The following TRPM6 variants were observed in gnomAD, a reference collection of about 807,000 sequenced individuals.
TRPM6 encodes transient receptor potential cation channel subfamily M member 6, also known as channel kinase 2.
Under a neutral mutation model 247.6 loss-of-function variants are expected in TRPM6, and 111 were observed. The ratio of observed to expected loss-of-function variants is 0.45; its 90% CI spans 0.38 to 0.52. The LOEUF (loss-of-function observed/expected upper bound fraction) is 0.52. TRPM6 is among the 20% of genes least tolerant of loss of function. TRPM6 has a pLI of 0.00. For synonymous variants in TRPM6, 892 were observed against 853.8 expected (o/e 1.04, Z -0.78); for missense variants, 2,126 against 2,421.5 (o/e 0.88, Z 2.56).
At chr9:74,804,649 C>A in intron 14 of TRPM6, 1 of 749,142 alleles carries the variant, frequency 1.3e-6, no homozygotes. Flanking sequence ...ATGAAGGTGT[C>A]CTCTGTGACT....
chr9:74,757,781 T>G (rs1360090371), intron 27 of TRPM6, among the ~76,000 whole-genome samples: 2 of 151,656 alleles, frequency 1.3e-5, no homozygotes, highest in East Asian at 3.9e-4. Flanking sequence ...GGCATGGTGG[T>G]GGGCACCTGT....
chr9:74,807,602 T>C (rs746824382), intron 14 of TRPM6, among the ~76,000 whole-genome samples: 3 of 152,192 alleles, frequency 2.0e-5, no homozygotes, highest in Non-Finnish European at 4.4e-5. Context: ...AATCACTACA[T>C]GCTTATACCA....
chr9:74,885,999 G>A (rs1831517581), intron 1 of TRPM6, among the ~76,000 whole-genome samples: 1 of 152,232 alleles, frequency 6.6e-6, no homozygotes, highest in South Asian at 2.1e-4. Flanking sequence ...ATGCTTGATA[G>A]TTTTGGCATA....
Position 74,810,862 on chromosome 9 carries a change from C to T in TRPM6, c.1450G>A (p.Gly484Arg), listed in dbSNP as rs77826848. Residue 484 changes from glycine to arginine, a missense_variant, in exon 13 of 39, where the codon GGA (glycine) becomes AGA (arginine). Physicochemically the swap from Gly to Arg is moderately radical, Grantham distance 125 (BLOSUM62 -2). This residue lies in a region of TRPM6 where 1,082 missense variants were observed against 1,307.9 expected (regional missense o/e 0.83). Transcript: ENST00000360774. ...RLEELYNTKQGPTNTLLHHLV... is the reference protein window; with the variant it reads ...RLEELYNTKQRPTNTLLHHLV... ...TGATGCAAGAGTGTATTAGTAGGTC[C>T]TTGTTTCTGAAATAAAGAACAAAAG... 6.2e-4 allele frequency: 996 copies of T among 1,613,442 alleles called. 9 individuals are homozygous for T. The African/African-American group carries it at 0.012, about 20-fold the overall frequency.
chr9:74,812,423 A>G lies in TRPM6; in HGVS notation c.1319T>C (p.Leu440Pro), dbSNP rs1159792279. ...IYEQHWKPDA[L>P]EQAMSDALVM... ...TAAAGCATCTGACATTGCTTGTTCC[A>G]GGGCATCAGGCTTCAGAAAGCACAA... The change falls in exon 12 of 39, where the codon CTG (leucine) becomes CCG (proline). Residue 440 changes from leucine to proline, a missense_variant. Physicochemically the swap from Leu to Pro is moderately conservative, Grantham distance 98. Transcript: ENST00000360774. 1 of 1,614,066 alleles carries G rather than the reference A, an allele frequency of 6.2e-7. No individual in the cohort carries two copies. Among genetic ancestry groups the G allele is most frequent in the Non-Finnish European group, 8.5e-7 (1 of 1,179,972 alleles).
rs377191801 is a variant in TRPM6 at position 74,853,785 on chromosome 9, G to C, written c.152+1742C>G. On this transcript the variant is annotated intron_variant, in intron 3 of 38. Coordinates refer to ENST00000360774, the MANE Select transcript of TRPM6 (RefSeq NM_017662.5). ...CCTTGTTCACATGTTTATCTGCTGA[G>C]CTTCCCTCCACTATTGTCCTATGAC... is the stretch of plus-strand genomic sequence containing the variant. 1.8e-4 allele frequency among the ~76,000 whole-genome samples: 28 copies of C among 151,960 alleles called. No individual in the cohort carries two copies. The East Asian group carries it at 5.2e-3, about 28-fold the overall frequency.
At chr9:74,730,332 G>A (rs1215963796) in intron 37 of TRPM6, among the ~76,000 whole-genome samples, 1 of 152,196 alleles carries the variant, frequency 6.6e-6, no homozygotes, top group Non-Finnish European at 1.5e-5. Context: ...AAGGCAGAAG[G>A]TTAGGGAAAG....
At chr9:74,862,475 T>C (rs1365344472) in intron 1 of TRPM6, among the ~76,000 whole-genome samples, 1 of 152,176 alleles carries the variant, frequency 6.6e-6, no homozygotes, top group Non-Finnish European at 1.5e-5. Flanking sequence ...GGTGTGTTGG[T>C]CTCAATTTGT....
At chr9:74,887,095 C>A in intron 1 of TRPM6, 1 of 475,454 alleles carries the variant, frequency 2.1e-6, no homozygotes, top group South Asian at 9.0e-5. Context: ...GAGCACCCTC[C>A]CTCTCCAAGC....
chr9:74,728,166 T>C (rs1825396123), intron 38 of TRPM6, 73 bp downstream of exon 38: 8 of 1,169,530 alleles, frequency 6.8e-6, no homozygotes, highest in Non-Finnish European at 1.0e-5. Flanking sequence ...GATTTTCTAC[T>C]TTATCCCAGG....
intron 1 of TRPM6, among the ~76,000 whole-genome samples, chr9:74,886,383 T>C (rs906009115): frequency 6.6e-6 from 1 of 152,228 alleles, no homozygotes; most frequent in Non-Finnish European, 1.5e-5. Context: ...AAAATCTGTA[T>C]ACAGGGGGAA....
Position 74,739,919 on chromosome 9 carries a change from G to A in TRPM6, c.5291C>T (p.Ala1764Val), listed in dbSNP as rs770641518. The change falls in exon 34 of 39, where the codon GCG becomes GTG. Residue 1764 changes from alanine (A) to valine (V), a missense_variant. Ala to Val is a moderately conservative substitution (Grantham distance 64, BLOSUM62 0). Transcript: ENST00000360774. ...SMSSWSQRGR[A>V]AMIQVLSREE... is the part of the protein sequence containing the mutation. ...TCGGGACAATACCTGGATCATTGCC[G>A]CTCTCCCACGCTGAGACCAAGAGGA... The A allele has an allele frequency of 8.7e-6, 14 of 1,614,048 alleles. No individual in the cohort carries two copies. Among genetic ancestry groups the A allele is most frequent in the South Asian group, 5.5e-5 (5 of 91,070 alleles).
intron 28 of TRPM6, among the ~76,000 whole-genome samples, chr9:74,752,891 T>C (rs1309694962): frequency 6.6e-6 from 1 of 152,044 alleles, no homozygotes; most frequent in East Asian, 1.9e-4. Context: ...GGCGGGTGGA[T>C]CACCCGAGGT....
Position 74,747,906 on chromosome 9 carries a change from C to T in TRPM6, c.5066G>A (p.Ser1689Asn), listed in dbSNP as rs1250467978. Residue 1689 changes from serine to asparagine, a missense_variant, in exon 31 of 39, where the codon AGT becomes AAT. Ser to Asn is a conservative substitution (Grantham distance 46). Around this residue, in one of 3 missense-constraint regions of TRPM6, gnomAD observed 717 missense variants for 715.9 expected, o/e 1.00. Coordinates refer to ENST00000360774, the MANE Select transcript of TRPM6 (RefSeq NM_017662.5). ...AAACTTACTGTCAACTCCAATTGAA[C>T]TTTTCAGCCTGTTTGAAAAAAAAAT... ...TNLNRNSLLKSSIGVDKISAS... is the reference protein window; with the variant it reads ...TNLNRNSLLKNSIGVDKISAS... The T allele has an allele frequency of 1.2e-6, 2 of 1,610,406 alleles. No homozygotes were observed. The highest frequency in any genetic ancestry group is 1.7e-5 in the Admixed American group (1 of 59,930).
intron 19 of TRPM6, among the ~76,000 whole-genome samples, chr9:74,790,468 C>T (rs1038099207): frequency 2.0e-5 from 3 of 152,082 alleles, no homozygotes; most frequent in Admixed American, 6.5e-5. Flanking sequence ...CAGACCTTAG[C>T]CCATTTGTCT....
At chr9:74,802,833 A>G (rs1828392670) in intron 15 of TRPM6, among the ~76,000 whole-genome samples, 3 of 152,184 alleles carry the variant, frequency 2.0e-5, no homozygotes, top group Non-Finnish European at 4.4e-5. Context: ...CCCATTCATC[A>G]TGCCATTCTA....
In TRPM6 at chr9:74,801,971, G is replaced by A. The variant is rs1233852009; in HGVS notation, c.1936C>T (p.Arg646Trp). The change falls in exon 16 of 39, where the codon CGG becomes TGG. Residue 646 changes from arginine to tryptophan, a missense_variant. By Grantham distance (101) the Arg-to-Trp change is moderately radical. Around this residue, in one of 3 missense-constraint regions of TRPM6, gnomAD observed 1,082 missense variants for 1,307.9 expected, o/e 0.83. Transcript: ENST00000360774. ...VKAVIACILY[R>W]AMAHEAKESH... ...TCCTTAGCTTCATGGGCCATTGCCC[G>A]GTAGAGGATACACGCAATCACGGCT... The A allele has an allele frequency of 5.6e-6, 9 of 1,614,190 alleles. No homozygotes were observed. The highest frequency in any genetic ancestry group is 2.2e-5 in the East Asian group (1 of 44,882).
chr9:74,782,315 G>T, intron 23 of TRPM6, 47 bp downstream of exon 23: 1 of 1,393,976 alleles, frequency 7.2e-7, no homozygotes, highest in Non-Finnish European at 1.0e-6. Context: ...CAACATATCT[G>T]CCCACATTTC....
At chr9:74,872,830 G>T (rs1166182767) in intron 1 of TRPM6, among the ~76,000 whole-genome samples, 2 of 152,038 alleles carry the variant, frequency 1.3e-5, no homozygotes, top group East Asian at 3.9e-4. Flanking sequence ...TATTGCCACT[G>T]CCCTAGTTAA....
Sources: gnomAD v4.1 joint callset for allele counts (sites outside exome capture counted in the v4.1 genomes callset) on GRCh38, gnomAD v4.1.1 for gene constraint, gnomAD v4.1.1 regional missense constraint, MANE v1.5 for transcripts, NCBI Gene and HGNC (gene_info 2026-07-23, HGNC 2026-07-21) for gene names.